TMPRSS15: variants seen among roughly 807,000 people sequenced by gnomAD.
The protein encoded by TMPRSS15 is transmembrane serine protease 15.
Under a neutral mutation model 125.3 loss-of-function variants are expected in TMPRSS15, and 128 were observed. That is an observed-to-expected ratio of 1.02 (90% CI 0.89 to 1.18). The LOEUF (loss-of-function observed/expected upper bound fraction) is 1.18. Ranked by LOEUF, TMPRSS15 falls within the 50% of genes most tolerant of loss-of-function variation. The probability of loss-of-function intolerance (pLI) is 0.00; values close to 1 mark genes in which losing one functional copy is unlikely to be tolerated. For missense variants in TMPRSS15, 1,283 were observed against 1,212.7 expected (o/e 1.06, Z -0.86); for synonymous variants, 446 against 423.2 (o/e 1.05, Z -0.66).
At chr21:18,428,845 G>A (rs2076210008) in intron 1 of TMPRSS15, among the ~76,000 whole-genome samples, 1 of 152,166 alleles carries the variant, frequency 6.6e-6, no homozygotes, top group Non-Finnish European at 1.5e-5. Flanking sequence ...GCCCTACTGG[G>A]GCACCACCTA....
intron 18 of TMPRSS15, among the ~76,000 whole-genome samples, chr21:18,311,571 A>G (rs1053269883): frequency 1.3e-5 from 2 of 152,198 alleles, no homozygotes; most frequent in African/African-American, 4.8e-5. Context: ...AGCTTTTATC[A>G]AAAGAGAGGC....
intron 3 of TMPRSS15, among the ~76,000 whole-genome samples, chr21:18,397,040 CTT>C (rs2123120212): frequency 6.6e-6 from 1 of 152,118 alleles, no homozygotes; most frequent in Non-Finnish European, 1.5e-5. Context: ...CTTGATCAGT[CTT>C]TAACTTTTTT....
In TMPRSS15 at chr21:18,326,592, G is replaced by T. The variant is rs1414203687; in HGVS notation, c.1781-20C>A. 3 of 1,613,910 alleles carry T rather than the reference G, an allele frequency of 1.9e-6. No homozygotes were observed. The South Asian group carries it at 3.3e-5, about 18-fold the overall frequency. On this transcript the variant is annotated intron_variant, in intron 15 of 24. Transcript: ENST00000284885. ...ACACAGCTGTTCCAAAGGAAAACGA[G>T]ATAATCAGTGAGATGATCCTTTGGA...
At chr21:18,418,192 C>G (rs576090609) in intron 1 of TMPRSS15, among the ~76,000 whole-genome samples, 2 of 152,348 alleles carry the variant, frequency 1.3e-5, no homozygotes, top group South Asian at 2.1e-4. Context: ...CCATTAGATA[C>G]TTTAATGCTT....
intron 16 of TMPRSS15, among the ~76,000 whole-genome samples, chr21:18,322,776 G>T (rs928831551): frequency 1.3e-5 from 2 of 151,974 alleles, no homozygotes; most frequent in East Asian, 1.9e-4. Context: ...CCAAAATAGA[G>T]TTACATAGAA....
intron 1 of TMPRSS15, among the ~76,000 whole-genome samples, chr21:18,444,374 G>A (rs1313351211): frequency 6.6e-6 from 1 of 152,102 alleles, no homozygotes; most frequent in Non-Finnish European, 1.5e-5. Context: ...TCTGCAAACT[G>A]TCACAAGGAC....
At chr21:18,462,603 G>C (rs2122910905) in intron 1 of TMPRSS15, among the ~76,000 whole-genome samples, 1 of 151,848 alleles carries the variant, frequency 6.6e-6, no homozygotes, top group South Asian at 2.1e-4. Flanking sequence ...TTTATTAAAA[G>C]TATTTTTAAG....
intron 24 of TMPRSS15, among the ~76,000 whole-genome samples, chr21:18,274,529 A>T (rs1245504791): frequency 6.6e-6 from 1 of 152,214 alleles, no homozygotes; most frequent in Non-Finnish European, 1.5e-5. Context: ...ACAGGTCAAG[A>T]GCCATTGACA....
intron 1 of TMPRSS15, among the ~76,000 whole-genome samples, chr21:18,448,699 C>T (rs78694102): frequency 0.092 from 14,037 of 151,998 alleles, 1,846 homozygotes; most frequent in African/African-American, 0.3. Context: ...TTTTAAATAT[C>T]ATATCATACT....
intron 21 of TMPRSS15, among the ~76,000 whole-genome samples, chr21:18,292,431 T>C (rs1489028127): frequency 6.6e-6 from 1 of 152,214 alleles, no homozygotes; most frequent in African/African-American, 2.4e-5. Context: ...TCCTTTTCTC[T>C]GGTAACAATT....
At chr21:18,394,531 CTG>C (rs1338248602) in intron 3 of TMPRSS15, among the ~76,000 whole-genome samples, 2 of 143,438 alleles carry the variant, frequency 1.4e-5, no homozygotes, top group Non-Finnish European at 3.2e-5. Flanking sequence ...CTCTCTCTCT[CTG>C]TCTCTCTCTC....
intron 1 of TMPRSS15, among the ~76,000 whole-genome samples, chr21:18,442,163 T>C (rs2076243688): frequency 6.6e-6 from 1 of 152,212 alleles, no homozygotes; most frequent in African/African-American, 2.4e-5. Context: ...CAATGAATTG[T>C]TTTTTCTTAG....
chr21:18,329,634 AGTT>A, intron 14 of TMPRSS15, among the ~76,000 whole-genome samples: 1 of 151,674 alleles, frequency 6.6e-6, no homozygotes, highest in South Asian at 2.1e-4. Context: ...CTAAAATTAT[AGTT>A]TCATTTATTT....
chr21:18,420,293 G>T (rs1256294069), intron 1 of TMPRSS15, among the ~76,000 whole-genome samples: 3 of 152,138 alleles, frequency 2.0e-5, no homozygotes, highest in Non-Finnish European at 4.4e-5. Context: ...TCAAAGCATG[G>T]CTGAAGTCAC....
intron 18 of TMPRSS15, among the ~76,000 whole-genome samples, chr21:18,301,974 A>G (rs2074978180): frequency 6.6e-6 from 1 of 152,170 alleles, no homozygotes; most frequent in South Asian, 2.1e-4. Context: ...TATCTCAAGG[A>G]TACTTGCATG....
At chr21:18,388,075 T>C (rs554059181) in intron 3 of TMPRSS15, among the ~76,000 whole-genome samples, 19 of 152,268 alleles carry the variant, frequency 1.2e-4, no homozygotes, top group African/African-American at 4.6e-4. Context: ...ATCCTCCTCT[T>C]CTAGGTCTCC....
chr21:18,412,391 G>C (rs1296502020), intron 1 of TMPRSS15, among the ~76,000 whole-genome samples: 1 of 152,122 alleles, frequency 6.6e-6, no homozygotes, highest in East Asian at 1.9e-4. Flanking sequence ...CAGGAAGCTT[G>C]TTCTGTTTTC....
intron 22 of TMPRSS15, among the ~76,000 whole-genome samples, chr21:18,280,582 AAAAAAAAAAAAAACAAC>A (rs2074682810): frequency 7.2e-6 from 1 of 138,532 alleles, no homozygotes; most frequent in African/African-American, 3.3e-5. Context: ...TCTCAAAAAA[AAAAAAAAAAAAAACAAC>A]AAAACAACAA....
intron 1 of TMPRSS15, among the ~76,000 whole-genome samples, chr21:18,476,078 A>G (rs1978874944): frequency 6.6e-6 from 1 of 152,282 alleles, no homozygotes; most frequent in South Asian, 2.1e-4. Context: ...GTTTGACATA[A>G]TATTTACGAG....
Sources: allele counts gnomAD v4.1 joint callset (sites outside exome capture counted in the v4.1 genomes callset), GRCh38; gene constraint gnomAD v4.1.1; transcripts MANE v1.5; gene names NCBI Gene and HGNC (gene_info 2026-07-23, HGNC 2026-07-21).